Variants in XCL1 observed in about 807,000 individuals in gnomAD.
The protein encoded by XCL1 is X-C motif chemokine ligand 1.
XCL1 carries 6 observed loss-of-function variants against 7.4 expected under a neutral mutation model. That is an observed-to-expected ratio of 0.82 (90% CI 0.45 to 1.61). The LOEUF (loss-of-function observed/expected upper bound fraction) is 1.61. Among genes scored for constraint, XCL1 ranks in the 40% most tolerant of loss-of-function variants. The pLI is 0.01. For missense variants in XCL1, 122 were observed against 138.2 expected, an observed-to-expected ratio of 0.88 and a Z score of 0.59; for synonymous variants, 48 against 52.4, an observed-to-expected ratio of 0.92 and a Z score of 0.36.
chr1:168,577,482 T>A (rs1033615793), intron 1 of XCL1, among the ~76,000 whole-genome samples: 19 of 152,326 alleles, frequency 1.2e-4, no homozygotes, highest in African/African-American at 4.1e-4. Context: ...AGCCCTTACC[T>A]GAGCATTCAG....
chr1:168,578,126 A>AT (rs2101835622), intron 1 of XCL1, among the ~76,000 whole-genome samples: 1 of 152,276 alleles, frequency 6.6e-6, no homozygotes, highest in Non-Finnish European at 1.5e-5. Flanking sequence ...AAAAACCCAG[A>AT]TTTTTCCTCT....
In XCL1 at chr1:168,581,138, C is replaced by T. The variant is rs766890583; in HGVS notation, c.263C>T (p.Ser88Phe). 4 of 1,613,798 alleles carry T rather than the reference C, an allele frequency of 2.5e-6. No homozygotes were observed. Among genetic ancestry groups the T allele is most frequent in the East Asian group, 2.2e-5 (1 of 44,874 alleles). Reference sequence around the variant, plus strand: ...GTGGTCAGGAGCATGGACAGGAAATCCAACACCAGAAATAACATGATCCAG... The same window carrying T: ...GTGGTCAGGAGCATGGACAGGAAATTCAACACCAGAAATAACATGATCCAG... ...RDVVRSMDRK[S>F]NTRNNMIQTK... Residue 88 changes from serine to phenylalanine, a missense_variant, in exon 3 of 3, where the codon TCC becomes TTC. Transcript: ENST00000367818.
At chr1:168,577,418 A>G (rs1273182218) in intron 1 of XCL1, among the ~76,000 whole-genome samples, 1 of 152,184 alleles carries the variant, frequency 6.6e-6, no homozygotes, top group Non-Finnish European at 1.5e-5. Context: ...TCAGCACCTT[A>G]TACACAGTTC....
chr1:168,577,899 C>A (rs929715882), intron 1 of XCL1, among the ~76,000 whole-genome samples: 1 of 152,118 alleles, frequency 6.6e-6, no homozygotes, highest in Non-Finnish European at 1.5e-5. Context: ...TAGCTTCTTA[C>A]ATACAAAAAT....
chr1:168,577,332 G>A (rs1383785622), intron 1 of XCL1, among the ~76,000 whole-genome samples: 1 of 152,116 alleles, frequency 6.6e-6, no homozygotes, highest in African/African-American at 2.4e-5. Flanking sequence ...TGTTAGTAAT[G>A]CCATGACTAT....
Position 168,580,764 on chromosome 1 carries a change from C to G in XCL1, c.177-288C>G, listed in dbSNP as rs535404585. Among the ~76,000 whole-genome samples, 4 of 152,214 alleles carry G rather than the reference C, an allele frequency of 2.6e-5. No homozygotes were observed. In the South Asian group the frequency reaches 8.3e-4, roughly 32 times the overall value. On this transcript the variant is annotated intron_variant, in intron 2 of 2. Coordinates refer to ENST00000367818, the MANE Select transcript of XCL1 (RefSeq NM_002995.3). ...AGGAAGAGGTTATGTAATAATGGAA[C>G]TAGTTGGCCTCAAAGTCTTTTTGTT...
intron 1 of XCL1, among the ~76,000 whole-genome samples, chr1:168,577,695 A>C (rs1268919455): frequency 6.6e-6 from 1 of 152,150 alleles, no homozygotes; most frequent in Non-Finnish European, 1.5e-5. Context: ...GAAACAAAAG[A>C]GTTTGATTAC....
Position 168,580,044 on chromosome 1 carries a change from G to T in XCL1, c.62-19G>T, listed in dbSNP as rs759688789. On this transcript the variant is annotated intron_variant, in intron 1 of 2. Coordinates refer to ENST00000367818, the MANE Select transcript of XCL1 (RefSeq NM_002995.3). ...ATTGCTTTATTTTTAATTGTCTGTTGTTTTTTTTTCCTCACCAGGTGTAGG... is the reference window on the plus strand; with the variant it reads ...ATTGCTTTATTTTTAATTGTCTGTTTTTTTTTTTTCCTCACCAGGTGTAGG... 1.9e-4 allele frequency: 296 copies of T among 1,532,160 alleles called. No homozygotes were observed. Among genetic ancestry groups the T allele is most frequent in the Middle Eastern group, 5.1e-4 (3 of 5,852 alleles). The allele number at this position is 1,532,160 out of a possible 1,614,324, so 94.9% of individuals were successfully genotyped here. A position where few individuals can be genotyped will look rare whatever the true frequency, so the allele number is the denominator to read the frequency against.
In XCL1 at chr1:168,576,656, G is replaced by C; in HGVS notation, c.19G>C (p.Ala7Pro). Residue 7 changes from alanine (A) to proline (P), a missense_variant, in exon 1 of 3, where the codon GCC (alanine) becomes CCC (proline). Transcript: ENST00000367818. ...CTCAGCCATGAGACTTCTCATCCTGGCCCTCCTTGGCATCTGCTCTCTCAC... is the reference window on the plus strand; with the variant it reads ...CTCAGCCATGAGACTTCTCATCCTGCCCCTCCTTGGCATCTGCTCTCTCAC... MRLLIL[A>P]LLGICSLTAY... 6.2e-7 allele frequency: 1 copy of C among 1,613,588 alleles called. No individual in the cohort carries two copies. Among genetic ancestry groups the C allele is most frequent in the Non-Finnish European group, 8.5e-7 (1 of 1,179,760 alleles).
At chr1:168,577,974 TA>T (rs1655064563) in intron 1 of XCL1, among the ~76,000 whole-genome samples, 1 of 152,186 alleles carries the variant, frequency 6.6e-6, no homozygotes, top group Non-Finnish European at 1.5e-5. Context: ...TTTTAAAAAA[TA>T]ACACAGACAC....
chr1:168,581,145 C>G lies in XCL1; in HGVS notation c.270C>G (p.Thr90=), dbSNP rs1378808530. The G allele has an allele frequency of 7.4e-6, 12 of 1,613,812 alleles. No individual in the cohort carries two copies. The highest frequency in any genetic ancestry group is 4.5e-5 in the East Asian group (2 of 44,882). ...GGAGCATGGACAGGAAATCCAACAC[C>G]AGAAATAACATGATCCAGACCAAGC... ...VVRSMDRKSN[T]RNNMIQTKPT... The change falls in exon 3 of 3, where the codon ACC becomes ACG. Residue 90 remains threonine, a synonymous_variant. Coordinates refer to ENST00000367818, the MANE Select transcript of XCL1 (RefSeq NM_002995.3).
At chr1:168,578,269 T>A (rs958409970) in intron 1 of XCL1, among the ~76,000 whole-genome samples, 6 of 152,194 alleles carry the variant, frequency 3.9e-5, no homozygotes, top group African/African-American at 1.4e-4. Flanking sequence ...GTTTAGTCCC[T>A]TGCTTTAAAA....
In XCL1 at chr1:168,577,399, C is replaced by T. The variant is rs115312164; in HGVS notation, c.61+701C>T. On this transcript the variant is annotated intron_variant, in intron 1 of 2. Transcript: ENST00000367818. ...AGAGAACATACAATAATAACTACTACCAAATAGATCAGCACCTTATACACA... is the reference window on the plus strand; with the variant it reads ...AGAGAACATACAATAATAACTACTATCAAATAGATCAGCACCTTATACACA... Among the ~76,000 whole-genome samples the T allele has an allele frequency of 2.3e-3, 351 of 152,228 alleles. 2 individuals carry two copies. The highest frequency in any genetic ancestry group is 8.1e-3 in the African/African-American group (336 of 41,530).
chr1:168,581,755 C>A lies in XCL1; in HGVS notation c.*535C>A, dbSNP rs1362703177. On this transcript the variant is annotated 3_prime_UTR_variant, in exon 3 of 3. Coordinates refer to ENST00000367818, the MANE Select transcript of XCL1 (RefSeq NM_002995.3). ...AATTTGCTTCACTCAATTTTTTTCACCTCTTTGTGTTTTATTTTGGTGTCC... is the reference window on the plus strand; with the variant it reads ...AATTTGCTTCACTCAATTTTTTTCAACTCTTTGTGTTTTATTTTGGTGTCC... 2.6e-5 allele frequency: 4 copies of A among 152,254 alleles called. No homozygotes were observed. Among genetic ancestry groups the A allele is most frequent in the African/African-American group, 7.2e-5 (3 of 41,548 alleles). 9.4% of individuals were successfully genotyped at this position (152,254 alleles called of 1,614,324 possible).
In XCL1 at chr1:168,581,203, G is replaced by A. The variant is rs763768094; in HGVS notation, c.328G>A (p.Val110Met). 9 of 1,613,726 alleles carry A rather than the reference G, an allele frequency of 5.6e-6. No homozygotes were observed. In the South Asian group the frequency reaches 7.7e-5, roughly 14 times the overall value. Residue 110 changes from valine (V) to methionine (M), a missense_variant, in exon 3 of 3, where the codon GTG (valine) becomes ATG (methionine). Physicochemically the swap from Val to Met is conservative, Grantham distance 21. Transcript: ENST00000367818. ...TGTQQSTNTA[V>M]TLTG is the part of the protein sequence containing the mutation. ...AACCCAGCAATCGACCAATACAGCT[G>A]TGACTCTGACTGGCTAGTAGTCTCT...
rs1655163264 is a variant in XCL1 at position 168,581,284 on chromosome 1, T to C, written c.*64T>C. 4.4e-6 allele frequency: 7 copies of C among 1,585,370 alleles called. No homozygotes were observed. Among genetic ancestry groups the C allele is most frequent in the Admixed American group, 1.7e-5 (1 of 57,674 alleles). On this transcript the variant is annotated 3_prime_UTR_variant, in exon 3 of 3. Coordinates refer to ENST00000367818, the MANE Select transcript of XCL1 (RefSeq NM_002995.3). ...CATTTCACTTTACACGCTCATGGAC[T>C]GAGTTTATACTCACCTTTTATGAAA...
At chr1:168,578,770 T>C in intron 1 of XCL1, 1 of 466,200 alleles carries the variant, frequency 2.1e-6, no homozygotes, top group Non-Finnish European at 4.2e-6. Flanking sequence ...TAATTTGTCC[T>C]GATAGCTTCC....
intron 2 of XCL1, among the ~76,000 whole-genome samples, 179 bp from the exon 3 acceptor site, chr1:168,580,873 C>T (rs1352322454): frequency 1.3e-5 from 2 of 152,090 alleles, no homozygotes; most frequent in African/African-American, 2.4e-5. Context: ...AGATATTACT[C>T]CTTTATGTTA....
In XCL1 at chr1:168,576,766, T is replaced by G. The variant is rs1655033833; in HGVS notation, c.61+68T>G. On this transcript the variant is annotated intron_variant, in intron 1 of 2. Coordinates refer to ENST00000367818, the MANE Select transcript of XCL1 (RefSeq NM_002995.3). Reference sequence around the variant, plus strand: ...AGGCAGGTGGGCACACATTTTGGGTTTGACTCAGGTTATGACTGGACTAAC... The same window carrying G: ...AGGCAGGTGGGCACACATTTTGGGTGTGACTCAGGTTATGACTGGACTAAC... 13 of 1,610,620 alleles carry G rather than the reference T, an allele frequency of 8.1e-6. No homozygotes were observed. In the South Asian group the frequency reaches 9.9e-5, roughly 12 times the overall value.
Sources: allele counts gnomAD v4.1 joint callset (sites outside exome capture counted in the v4.1 genomes callset), GRCh38; gene constraint gnomAD v4.1.1; transcripts MANE v1.5; gene names NCBI Gene and HGNC (gene_info 2026-07-23, HGNC 2026-07-21).